Variants in CDK17 observed in about 807,000 individuals in gnomAD.
CDK17 encodes cyclin-dependent kinase 17.
In CDK17, 24 loss-of-function variants were observed where a neutral mutation model predicts 77.6. That is an observed-to-expected ratio of 0.31 (90% CI 0.22 to 0.44). CDK17 has a LOEUF of 0.44. CDK17 is among the 20% of genes least tolerant of loss of function. The probability of loss-of-function intolerance (pLI) is 1.00; values close to 1 mark genes in which losing one functional copy is unlikely to be tolerated. For synonymous variants in CDK17, 203 were observed against 210.4 expected (o/e 0.96, Z 0.30); for missense variants, 429 against 622.5 (o/e 0.69, Z 3.31).
At chr12:96,291,303 T>C (rs1488655412) in intron 10 of CDK17, among the ~76,000 whole-genome samples, 1 of 152,086 alleles carries the variant, frequency 6.6e-6, no homozygotes, top group Non-Finnish European at 1.5e-5. Flanking sequence ...TTTTTCTTCC[T>C]CTTTTTGAGA....
At chr12:96,290,240 ATC>A (rs1325548745) in intron 10 of CDK17, among the ~76,000 whole-genome samples, 1 of 152,234 alleles carries the variant, frequency 6.6e-6, no homozygotes, top group East Asian at 1.9e-4. Flanking sequence ...TTACAACTTT[ATC>A]TCTTGAGTCA....
At chr12:96,319,907 T>C (rs1488108589) in intron 3 of CDK17, among the ~76,000 whole-genome samples, 1 of 147,692 alleles carries the variant, frequency 6.8e-6, no homozygotes, top group African/African-American at 2.6e-5. Context: ...GGATGCCTTC[T>C]CTCACCGCTC....
At chr12:96,356,392 C>T (rs1013714397) in intron 1 of CDK17, among the ~76,000 whole-genome samples, 13 of 152,170 alleles carry the variant, frequency 8.5e-5, no homozygotes, top group Admixed American at 2.6e-4. Context: ...GTTGCCCAGG[C>T]TCAAGCAATC....
In CDK17 at chr12:96,376,728, C is replaced by T. The variant is rs568960111; in HGVS notation, c.-30+23258G>A. On this transcript the variant is annotated intron_variant, in intron 1 of 16. Transcript: ENST00000261211. ...ACAGCAAACTGGCCTACTAATTAAA[C>T]TTCTGAAGATTATAAAATAGAGTTT... Among the ~76,000 whole-genome samples, 16 of 152,324 alleles carry T rather than the reference C, an allele frequency of 1.1e-4. No homozygotes were observed. In the South Asian group the frequency reaches 1.7e-3, roughly 16 times the overall value.
intron 1 of CDK17, among the ~76,000 whole-genome samples, chr12:96,398,065 T>C (rs1032114341): frequency 6.6e-6 from 1 of 152,204 alleles, no homozygotes; most frequent in Non-Finnish European, 1.5e-5. Flanking sequence ...AGTGTTTTAT[T>C]TTCACTGTAA....
chr12:96,300,698 T>G (rs1383846999), intron 5 of CDK17, among the ~76,000 whole-genome samples: 1 of 152,182 alleles, frequency 6.6e-6, no homozygotes, highest in Non-Finnish European at 1.5e-5. Flanking sequence ...CGCCCAGCCT[T>G]GTATATATTC....
chr12:96,377,631 T>C (rs1160387065), intron 1 of CDK17, among the ~76,000 whole-genome samples: 1 of 151,966 alleles, frequency 6.6e-6, no homozygotes, highest in Non-Finnish European at 1.5e-5. Flanking sequence ...TGTTGCACAT[T>C]TAGGTGGTAG....
intron 1 of CDK17, among the ~76,000 whole-genome samples, chr12:96,370,954 A>T (rs539598794): frequency 6.6e-6 from 1 of 152,310 alleles, no homozygotes; most frequent in Admixed American, 6.5e-5. Context: ...TCACTACCCT[A>T]AAGCTATTCT....
At chr12:96,305,078 T>TAG (rs1231287039) in intron 5 of CDK17, among the ~76,000 whole-genome samples, 2 of 152,228 alleles carry the variant, frequency 1.3e-5, no homozygotes, top group African/African-American at 4.8e-5. Flanking sequence ...GGTATACCAT[T>TAG]ATCGTAAGGG....
At chr12:96,284,178 T>A (rs1952214330) in intron 13 of CDK17, among the ~76,000 whole-genome samples, 1 of 152,126 alleles carries the variant, frequency 6.6e-6, no homozygotes. Flanking sequence ...TCATAAAACT[T>A]CATCAATGGT....
At chr12:96,350,491 A>G (rs1171547140) in intron 1 of CDK17, among the ~76,000 whole-genome samples, 1 of 152,192 alleles carries the variant, frequency 6.6e-6, no homozygotes, top group African/African-American at 2.4e-5. Context: ...ATAAAAAGCT[A>G]CAATAATCAA....
chr12:96,337,716 G>C (rs1953063856), intron 1 of CDK17, among the ~76,000 whole-genome samples: 1 of 152,100 alleles, frequency 6.6e-6, no homozygotes, highest in East Asian at 1.9e-4. Context: ...AAACACACTA[G>C]ATATTTAAGT....
chr12:96,291,781 G>A (rs1235426839), intron 10 of CDK17, among the ~76,000 whole-genome samples: 4 of 152,018 alleles, frequency 2.6e-5, no homozygotes, highest in African/African-American at 9.7e-5. Flanking sequence ...ACAATGCCCA[G>A]CTAACTTTTC....
At chr12:96,308,731 A>AATAATAATAATAAT (rs1952608712) in intron 5 of CDK17, among the ~76,000 whole-genome samples, 1 of 132,572 alleles carries the variant, frequency 7.5e-6, no homozygotes, top group East Asian at 2.2e-4. Context: ...CCGTCTCCAA[A>AATAATAATAATAAT]AATAATAATA....
intron 10 of CDK17, among the ~76,000 whole-genome samples, chr12:96,294,536 T>A (rs1952373893): frequency 1.7e-5 from 2 of 118,130 alleles, no homozygotes; most frequent in African/African-American, 6.7e-5. Flanking sequence ...TGAGTCAAGA[T>A]CACACCACTG....
intron 1 of CDK17, among the ~76,000 whole-genome samples, chr12:96,381,440 G>A (rs1025424595): frequency 5.3e-5 from 8 of 150,992 alleles, no homozygotes; most frequent in South Asian, 2.1e-4. Flanking sequence ...TTTCAATTAC[G>A]GAGGCAACTC....
intron 2 of CDK17, among the ~76,000 whole-genome samples, chr12:96,331,136 T>C (rs1299047562): frequency 1.3e-5 from 2 of 152,186 alleles, no homozygotes; most frequent in African/African-American, 4.8e-5. Context: ...AGAGACGGGG[T>C]TTCACCGTGT....
intron 1 of CDK17, among the ~76,000 whole-genome samples, chr12:96,372,205 G>A (rs1039346346): frequency 3.3e-5 from 5 of 152,076 alleles, no homozygotes; most frequent in Admixed American, 6.6e-5. Flanking sequence ...GGCAACAGTA[G>A]AAGACTTGGC....
intron 1 of CDK17, among the ~76,000 whole-genome samples, chr12:96,350,581 C>G (rs1008724574): frequency 2.6e-5 from 4 of 152,078 alleles, no homozygotes; most frequent in Non-Finnish European, 4.4e-5. Context: ...GACTCTCACA[C>G]CTGATTTTTG....
Sources: gnomAD v4.1 joint callset for allele counts (sites outside exome capture counted in the v4.1 genomes callset) on GRCh38, gnomAD v4.1.1 for gene constraint, MANE v1.5 for transcripts, NCBI Gene and HGNC (gene_info 2026-07-23, HGNC 2026-07-21) for gene names.